Variants in DNAH7 observed in about 807,000 individuals in gnomAD.
DNAH7 encodes the protein axonemal beta dynein heavy chain 7.
DNAH7 carries 397 observed loss-of-function variants against 444.6 expected under a neutral mutation model. The observed-to-expected ratio is 0.89, with a 90% CI of 0.82 to 0.97. The LOEUF (loss-of-function observed/expected upper bound fraction) is 0.97, where lower values mean the gene tolerates loss of function less well. Among genes scored for constraint, DNAH7 ranks in the 50% least tolerant of loss-of-function variants. The pLI, the probability that DNAH7 is intolerant of heterozygous loss-of-function variation, is 0.00. For synonymous variants in DNAH7, 1,636 were observed against 1,624.4 expected, an observed-to-expected ratio of 1.01 and a Z score of -0.17; for missense variants, 4,902 against 4,800.8, an observed-to-expected ratio of 1.02 and a Z score of -0.62.
intron 48 of DNAH7, chr2:195,824,958 TCA>T: frequency 6.5e-6 from 1 of 152,710 alleles, no homozygotes; most frequent in African/African-American, 2.4e-5. Context: ...AATAATTGAC[TCA>T]CACAGTATAT....
Position 195,956,793 on chromosome 2 carries a change from A to C in DNAH7, c.3078+468T>G, listed in dbSNP as rs143113492. 9.9e-3 allele frequency among the ~76,000 whole-genome samples: 1,493 copies of C among 151,458 alleles called. 31 individuals are homozygous for C. Among genetic ancestry groups the C allele is most frequent in the African/African-American group, 0.034 (1,392 of 41,248 alleles). On this transcript the variant is annotated intron_variant, in intron 19 of 64. Transcript: ENST00000312428. ...TATTTTTCTTTCTTTATTGCATTTT[A>C]TTTGCATTTATTGGACTTTTTAGAT...
intron 60 of DNAH7, among the ~76,000 whole-genome samples, chr2:195,775,130 A>T (rs1442579243): frequency 6.6e-6 from 1 of 152,170 alleles, no homozygotes; most frequent in African/African-American, 2.4e-5. Flanking sequence ...TGATAAACCC[A>T]ATCTATCTCT....
intron 25 of DNAH7, 65 bp downstream of exon 25, chr2:195,909,962 T>C: frequency 6.9e-7 from 1 of 1,447,758 alleles, no homozygotes; most frequent in South Asian, 1.3e-5. Flanking sequence ...TCAATTATGT[T>C]GCATCATAAA....
rs763310337 is a variant in DNAH7, at chr2:195,886,280, G to A, written c.5407-8C>T. ...GGAAGTAGGAGATAATTCCTGAAAA[G>A]TCAGTAAGAAAAATGACTAAACAAT... On this transcript the variant is annotated splice_region_variant and splice_polypyrimidine_tract_variant and intron_variant, in intron 33 of 64. Coordinates refer to ENST00000312428, the MANE Select transcript of DNAH7 (RefSeq NM_018897.3). 6.2e-7 allele frequency: 1 copy of A among 1,607,696 alleles called. No homozygotes were observed. Among genetic ancestry groups the A allele is most frequent in the Non-Finnish European group, 8.5e-7 (1 of 1,177,738 alleles).
Position 195,934,656 on chromosome 2 carries a change from C to T in DNAH7, c.3406G>A (p.Ala1136Thr), listed in dbSNP as rs1688928549. ...AACCACTTCTCCACTTGACCTCTGG[C>T]TTTGGCTGTTGAAATAATCTCTATG... ...ELIEIISTAK[A>T]RGQVEKWLVE... Residue 1136 changes from alanine (A) to threonine (T), a missense_variant, in exon 21 of 65, where the codon GCC (alanine) becomes ACC (threonine). Ala to Thr is a moderately conservative substitution (Grantham distance 58). Coordinates refer to ENST00000312428, the MANE Select transcript of DNAH7 (RefSeq NM_018897.3). The T allele has an allele frequency of 1.2e-6, 2 of 1,614,108 alleles. No individual in the cohort carries two copies. Among genetic ancestry groups the T allele is most frequent in the Admixed American group, 3.3e-5 (2 of 60,010 alleles).
chr2:195,917,933 T>C (rs1012270578), intron 24 of DNAH7, among the ~76,000 whole-genome samples: 3 of 152,180 alleles, frequency 2.0e-5, no homozygotes, highest in Non-Finnish European at 4.4e-5. Flanking sequence ...CCTCCCAAAG[T>C]GCTGGAATTA....
Position 195,883,457 on chromosome 2 carries a change from C to A in DNAH7, c.5763+1128G>T, listed in dbSNP as rs373620860. 1.1e-3 allele frequency among the ~76,000 whole-genome samples: 156 copies of A among 145,564 alleles called. 1 individual carries two copies. Among genetic ancestry groups the A allele is most frequent in the Non-Finnish European group, 1.9e-3 (128 of 67,384 alleles). On this transcript the variant is annotated intron_variant, in intron 35 of 64. Transcript: ENST00000312428. Reference sequence around the variant, plus strand: ...AGCGAGACTCAGTCCCCGCTCCCCCCCCCCAAAAAAAAAGAATCAGAAACG... The same window carrying A: ...AGCGAGACTCAGTCCCCGCTCCCCCACCCCAAAAAAAAAGAATCAGAAACG...
In DNAH7 at chr2:196,012,886, A is replaced by T; in HGVS notation, c.890T>A (p.Ile297Asn). Residue 297 changes from isoleucine (I) to asparagine (N), a missense_variant, in exon 10 of 65, where the codon ATC becomes AAC. Ile to Asn is a moderately radical substitution (Grantham distance 149). Transcript: ENST00000312428. ...TNFKKLRLVD[I>N]KEFHNCQDAL... Reference sequence around the variant, plus strand: ...ATCCTGGCAATTATGAAATTCTTTGATATCAACTAAACGTAATTTTCTGCA... The same window carrying T: ...ATCCTGGCAATTATGAAATTCTTTGTTATCAACTAAACGTAATTTTCTGCA... The T allele has an allele frequency of 6.6e-7, 1 of 1,523,488 alleles. No homozygotes were observed. Among genetic ancestry groups the T allele is most frequent in the South Asian group, 1.3e-5 (1 of 74,304 alleles). The allele number at this position is 1,523,488 out of a possible 1,614,324, so 94.4% of individuals were successfully genotyped here.
chr2:195,979,174 CCTTCTCTGCAG>C (rs1692396936), intron 15 of DNAH7, among the ~76,000 whole-genome samples: 1 of 152,096 alleles, frequency 6.6e-6, no homozygotes, highest in African/African-American at 2.4e-5. Flanking sequence ...AAATACACAT[CCTTCTCTGCAG>C]CACATGGATC....
chr2:195,817,826 T>C lies in DNAH7; in HGVS notation c.9295A>G (p.Thr3099Ala). ...GGGGTTATCATGAAGTTTAATAATG[T>C]TACCTATAAATGAAAAAATATACAA... ...HYLPETSVKV[T>A]LLNFMITPEG... The change falls in exon 50 of 65, where the codon ACA becomes GCA. Residue 3099 changes from threonine to alanine, a missense_variant. Coordinates refer to ENST00000312428, the MANE Select transcript of DNAH7 (RefSeq NM_018897.3). The C allele has an allele frequency of 6.4e-7, 1 of 1,574,478 alleles. No individual in the cohort carries two copies. The highest frequency in any genetic ancestry group is 8.6e-7 in the Non-Finnish European group (1 of 1,165,470).
At chr2:195,916,414 T>A (rs1283991732) in intron 24 of DNAH7, among the ~76,000 whole-genome samples, 1 of 152,124 alleles carries the variant, frequency 6.6e-6, no homozygotes, top group African/African-American at 2.4e-5. Flanking sequence ...CAGACATAAG[T>A]AGGGCAGGAG....
chr2:195,911,938 C>A (rs1257067034), intron 24 of DNAH7, among the ~76,000 whole-genome samples: 1 of 152,056 alleles, frequency 6.6e-6, no homozygotes, highest in Non-Finnish European at 1.5e-5. Context: ...TTTTGGTAAA[C>A]CTGTATATTA....
chr2:195,851,643 C>G (rs1156622325), intron 46 of DNAH7, among the ~76,000 whole-genome samples: 1 of 152,142 alleles, frequency 6.6e-6, no homozygotes, highest in East Asian at 1.9e-4. Flanking sequence ...GTCCCTTGGA[C>G]TGAGTCTGTC....
chr2:195,754,542 CAGT>C, intron 62 of DNAH7, 28 bp from the exon 63 acceptor site: 1 of 1,593,672 alleles, frequency 6.3e-7, no homozygotes, highest in Non-Finnish European at 8.5e-7. Flanking sequence ...AGTGGGCTAA[CAGT>C]AGCACCTTTC....
At position 196,068,786 on chromosome 2, in the gene DNAH7, C is replaced by A; in HGVS notation, c.-75G>T. Reference sequence around the variant, plus strand: ...CGCGGAACCCCTAGGACGATAGAGGCAGGGCCCCGGGACTTGCAGCGGTCT... The same window carrying A: ...CGCGGAACCCCTAGGACGATAGAGGAAGGGCCCCGGGACTTGCAGCGGTCT... On this transcript the variant is annotated 5_prime_UTR_variant, in exon 1 of 65. Transcript: ENST00000312428. 2 of 1,532,780 alleles carry A rather than the reference C, an allele frequency of 1.3e-6. No individual in the cohort carries two copies. The highest frequency in any genetic ancestry group is 2.4e-5 in the South Asian group (2 of 82,324). 94.9% of individuals were successfully genotyped at this position (1,532,780 alleles called of 1,614,324 possible).
chr2:195,928,156 T>C (rs1298064876), intron 21 of DNAH7, among the ~76,000 whole-genome samples: 2 of 152,100 alleles, frequency 1.3e-5, no homozygotes, highest in Non-Finnish European at 2.9e-5. Flanking sequence ...CTCCCACTTA[T>C]AAGTGAGAAC....
chr2:195,755,578 T>C (rs1694030289), intron 62 of DNAH7, among the ~76,000 whole-genome samples: 2 of 152,246 alleles, frequency 1.3e-5, no homozygotes, highest in South Asian at 4.1e-4. Context: ...ACCATTTTTA[T>C]CCCTGCAGAA....
intron 24 of DNAH7, among the ~76,000 whole-genome samples, chr2:195,912,018 G>C (rs772428347): frequency 2.0e-5 from 3 of 152,170 alleles, no homozygotes; most frequent in Non-Finnish European, 2.9e-5. Context: ...GCCCCAAGCT[G>C]AGAACAATAA....
chr2:195,955,140 C>T (rs1046480892), intron 19 of DNAH7, among the ~76,000 whole-genome samples: 1 of 152,102 alleles, frequency 6.6e-6, no homozygotes, highest in Non-Finnish European at 1.5e-5. Context: ...TTTTCTTCTA[C>T]AGTTTTTATG....
Sources: gnomAD v4.1 joint callset for allele counts (sites outside exome capture counted in the v4.1 genomes callset) on GRCh38, gnomAD v4.1.1 for gene constraint, MANE v1.5 for transcripts, NCBI Gene and HGNC (gene_info 2026-07-23, HGNC 2026-07-21) for gene names.